Variants in GHR observed in about 807,000 individuals in gnomAD.
GHR encodes GH receptor.
GHR carries 35 observed loss-of-function variants against 67.1 expected under a neutral mutation model. That is an observed-to-expected ratio of 0.52 (90% CI 0.40 to 0.69). GHR has a LOEUF of 0.69. Ranked by LOEUF, GHR falls within the 30% of genes least tolerant of loss-of-function variation. The pLI is 0.00. For synonymous variants in GHR, 272 were observed against 269.1 expected, an observed-to-expected ratio of 1.01 and a Z score of -0.10; for missense variants, 792 against 764.6, an observed-to-expected ratio of 1.04 and a Z score of -0.42.
chr5:42,660,233 G>C (rs929312673), intron 3 of GHR, among the ~76,000 whole-genome samples: 1 of 152,196 alleles, frequency 6.6e-6, no homozygotes, highest in South Asian at 2.1e-4. Context: ...AAATGTCCCT[G>C]TCTGACAGCT....
At chr5:42,510,211 T>G (rs1478071221) in intron 1 of GHR, among the ~76,000 whole-genome samples, 1 of 152,202 alleles carries the variant, frequency 6.6e-6, no homozygotes, top group Non-Finnish European at 1.5e-5. Context: ...ATTTATCACA[T>G]TTTCCACTGC....
chr5:42,635,609 C>T (rs944617890), intron 3 of GHR, among the ~76,000 whole-genome samples: 7 of 152,156 alleles, frequency 4.6e-5, no homozygotes, highest in South Asian at 4.1e-4. Flanking sequence ...CACACAAAAT[C>T]GTTGAGAGGT....
intron 1 of GHR, among the ~76,000 whole-genome samples, chr5:42,521,029 A>G (rs1747451549): frequency 1.3e-5 from 2 of 152,094 alleles, no homozygotes; most frequent in Admixed American, 1.3e-4. Flanking sequence ...CTTTCACTAG[A>G]TGCCAGTTCC....
chr5:42,705,978 C>A (rs538907674), intron 6 of GHR, among the ~76,000 whole-genome samples: 1 of 152,252 alleles, frequency 6.6e-6, no homozygotes, highest in African/African-American at 2.4e-5. Flanking sequence ...AAACTGCTTG[C>A]CACAATGGCT....
intron 1 of GHR, among the ~76,000 whole-genome samples, chr5:42,483,752 A>G (rs1189867863): frequency 6.6e-6 from 1 of 152,224 alleles, no homozygotes; most frequent in Non-Finnish European, 1.5e-5. Flanking sequence ...TGTCGTTAAC[A>G]TAAAGATAGG....
At chr5:42,571,154 A>C (rs2112499432) in intron 2 of GHR, among the ~76,000 whole-genome samples, 1 of 152,358 alleles carries the variant, frequency 6.6e-6, no homozygotes, top group South Asian at 2.1e-4. Context: ...TCAGCCTATT[A>C]GCACTAAAGT....
At chr5:42,626,006 AC>A (rs36035420) in intron 2 of GHR, among the ~76,000 whole-genome samples, 47,601 of 151,562 alleles carry the variant, frequency 0.31, 8,060 homozygotes, top group African/African-American at 0.46. Context: ...GTCAAATAAA[AC>A]CCATCCTGAT....
chr5:42,644,370 G>C (rs940560917), intron 3 of GHR, among the ~76,000 whole-genome samples: 4 of 152,150 alleles, frequency 2.6e-5, no homozygotes, highest in Non-Finnish European at 5.9e-5. Context: ...ACCAGGGATA[G>C]AGAAACATTT....
At chr5:42,479,738 T>C (rs888833089) in intron 1 of GHR, among the ~76,000 whole-genome samples, 4 of 152,222 alleles carry the variant, frequency 2.6e-5, no homozygotes, top group Non-Finnish European at 5.9e-5. Context: ...GATATCCCCT[T>C]TATCATTTTT....
At chr5:42,527,328 A>T (rs565092050) in intron 1 of GHR, among the ~76,000 whole-genome samples, 152 of 152,214 alleles carry the variant, frequency 1.0e-3, no homozygotes, top group Admixed American at 2.3e-3. Flanking sequence ...TCTTCAATAG[A>T]CCCATCTCAC....
intron 1 of GHR, among the ~76,000 whole-genome samples, chr5:42,544,562 TCCC>T (rs953425857): frequency 1.3e-5 from 2 of 151,830 alleles, no homozygotes; most frequent in African/African-American, 4.8e-5. Flanking sequence ...AAACCAAATT[TCCC>T]CCCACCTCCC....
intron 3 of GHR, among the ~76,000 whole-genome samples, chr5:42,663,321 T>G (rs1039914765): frequency 3.9e-5 from 6 of 152,198 alleles, no homozygotes; most frequent in Non-Finnish European, 7.3e-5. Flanking sequence ...ATATCCTTGA[T>G]GAACATTGAT....
intron 1 of GHR, among the ~76,000 whole-genome samples, chr5:42,518,566 G>A (rs1439554151): frequency 6.6e-6 from 1 of 152,168 alleles, no homozygotes; most frequent in African/African-American, 2.4e-5. Flanking sequence ...CCTCAGAGAG[G>A]CAGTTTTGGA....
chr5:42,444,121 A>G (rs371250343), intron 1 of GHR, among the ~76,000 whole-genome samples: 3 of 152,156 alleles, frequency 2.0e-5, no homozygotes, highest in African/African-American at 7.2e-5. Flanking sequence ...AAACAACAAC[A>G]ACAAAAATAC....
At chr5:42,662,145 C>A (rs190551098) in intron 3 of GHR, among the ~76,000 whole-genome samples, 30 of 152,280 alleles carry the variant, frequency 2.0e-4, no homozygotes, top group Non-Finnish European at 3.4e-4. Flanking sequence ...GACTCCCACA[C>A]AATAATAATG....
intron 3 of GHR, among the ~76,000 whole-genome samples, chr5:42,648,620 T>C (rs1356585761): frequency 3.9e-5 from 6 of 152,194 alleles, no homozygotes. Flanking sequence ...AATTCAGTTA[T>C]CCTTGTCTTA....
intron 6 of GHR, among the ~76,000 whole-genome samples, chr5:42,700,286 CCACT>C (rs1757871986): frequency 6.6e-6 from 1 of 152,114 alleles, no homozygotes; most frequent in Non-Finnish European, 1.5e-5. Flanking sequence ...TATAGACTGG[CCACT>C]TAGCTGTCTT....
chr5:42,698,769 T>G (rs1290228176), intron 5 of GHR, among the ~76,000 whole-genome samples: 1 of 152,200 alleles, frequency 6.6e-6, no homozygotes, highest in East Asian at 1.9e-4. Flanking sequence ...TCTGTATATA[T>G]GGCAGAAAAA....
rs546116266 is a variant in GHR at position 42,581,670 on chromosome 5, A to C, written c.70+15726A>C. Among the ~76,000 whole-genome samples, 5 of 152,326 alleles carry C rather than the reference A, an allele frequency of 3.3e-5. No homozygotes were observed. The South Asian group carries it at 1.0e-3, about 32-fold the overall frequency. ...TGGAAGATCTGGAATTGATGGCAGC[A>C]GCGGCCCATCTGGAGCCGCTGCTGT... On this transcript the variant is annotated intron_variant, in intron 2 of 9. Transcript: ENST00000230882.
Sources: gnomAD v4.1 joint callset for allele counts (sites outside exome capture counted in the v4.1 genomes callset) on GRCh38, gnomAD v4.1.1 for gene constraint, MANE v1.5 for transcripts, NCBI Gene and HGNC (gene_info 2026-07-23, HGNC 2026-07-21) for gene names.